Variants in TSHZ2 observed in about 807,000 individuals in gnomAD.
TSHZ2 encodes teashirt zinc finger homeobox 2.
In TSHZ2, 21 loss-of-function variants were observed where a neutral mutation model predicts 74.4. The observed-to-expected ratio is 0.28, with a 90% CI of 0.20 to 0.41. The LOEUF is 0.41. TSHZ2 is among the 10% of genes least tolerant of loss of function. TSHZ2 has a pLI of 1.00. For synonymous variants in TSHZ2, 540 were observed against 515.3 expected (o/e 1.05, Z -0.65); for missense variants, 1,244 against 1,293.5 (o/e 0.96, Z 0.59).
intron 1 of TSHZ2, among the ~76,000 whole-genome samples, chr20:53,002,872 A>G (rs1982490640): frequency 6.6e-6 from 1 of 152,240 alleles, no homozygotes; most frequent in African/African-American, 2.4e-5. Flanking sequence ...CTAAGTCTTC[A>G]TGTTCTGAAG....
intron 1 of TSHZ2, among the ~76,000 whole-genome samples, chr20:53,132,313 A>AT (rs552180228): frequency 0.13 from 17,508 of 139,242 alleles, 1,234 homozygotes; most frequent in Admixed American, 0.2. Context: ...TCTGCCCCTA[A>AT]TTTTTTTTTT....
Position 53,254,330 on chromosome 20 carries a change from G to T in TSHZ2, c.872G>T (p.Ser291Ile), listed in dbSNP as rs774739292. ...GDSFDSLQDL[S>I]VHMIKTKHYQ... ...TCCTTTGATTCCCTCCAAGATTTGAGCGTCCACATGATTAAAACAAAACAT... is the reference window on the plus strand; with the variant it reads ...TCCTTTGATTCCCTCCAAGATTTGATCGTCCACATGATTAAAACAAAACAT... Residue 291 changes from serine (S) to isoleucine (I), a missense_variant, in exon 2 of 3, where the codon AGC (serine) becomes ATC (isoleucine). By Grantham distance (142) the Ser-to-Ile change is moderately radical (BLOSUM62 -2). Coordinates refer to ENST00000371497, the MANE Select transcript of TSHZ2 (RefSeq NM_173485.6). 6.2e-7 allele frequency: 1 copy of T among 1,614,160 alleles called. No individual in the cohort carries two copies. Among genetic ancestry groups the T allele is most frequent in the South Asian group, 1.1e-5 (1 of 91,078 alleles).
At chr20:53,050,103 G>GTGTATATATATATATA (rs1555819290) in intron 1 of TSHZ2, among the ~76,000 whole-genome samples, 11 of 116,040 alleles carry the variant, frequency 9.5e-5, no homozygotes, top group Admixed American at 2.6e-4. Flanking sequence ...GTATATGTGT[G>GTGTATATATATATATA]TATATATATA....
rs1330550018 is a variant in TSHZ2, at chr20:53,150,645, T to TA, written c.41-102846dup. Among the ~76,000 whole-genome samples, 727 of 144,630 alleles carry TA rather than the reference T, an allele frequency of 5.0e-3. 8 individuals carry two copies. The highest frequency in any genetic ancestry group is 0.018 in the African/African-American group (701 of 38,990). The allele number at this position is 144,630 out of a possible 152,430, so 94.9% of individuals were successfully genotyped here. ...AAAATAAAATAAAATAAAAGTTTTT[T>TA]AAAAAAAAGAAGGAAAGAAAGAGAA... On this transcript the variant is annotated intron_variant, in intron 1 of 2. Coordinates refer to ENST00000371497, the MANE Select transcript of TSHZ2 (RefSeq NM_173485.6).
intron 1 of TSHZ2, among the ~76,000 whole-genome samples, chr20:53,108,038 T>G: frequency 6.6e-6 from 1 of 152,238 alleles, no homozygotes; most frequent in East Asian, 1.9e-4. Flanking sequence ...ACATAATCTC[T>G]CTTCCCCATG....
chr20:53,181,637 C>T (rs987796318), intron 1 of TSHZ2, among the ~76,000 whole-genome samples: 11 of 152,114 alleles, frequency 7.2e-5, no homozygotes, highest in African/African-American at 2.7e-4. Context: ...ACCTCTGATC[C>T]CAGCACTTTG....
At chr20:52,991,827 T>G (rs796988902) in intron 1 of TSHZ2, among the ~76,000 whole-genome samples, 5 of 150,128 alleles carry the variant, frequency 3.3e-5, no homozygotes, top group African/African-American at 1.2e-4. Flanking sequence ...GAAAAGCTTT[T>G]CTGGTGCATG....
At chr20:53,432,263 A>G (rs1368938631) in intron 2 of TSHZ2, among the ~76,000 whole-genome samples, 1 of 152,178 alleles carries the variant, frequency 6.6e-6, no homozygotes, top group Non-Finnish European at 1.5e-5. Flanking sequence ...ACTTAGAATA[A>G]TGGCCTCCAG....
At chr20:52,983,232 A>C (rs1002852777) in intron 1 of TSHZ2, among the ~76,000 whole-genome samples, 1 of 152,158 alleles carries the variant, frequency 6.6e-6, no homozygotes, top group Non-Finnish European at 1.5e-5. Flanking sequence ...CAGCGTTTTC[A>C]TCTGTCAGAT....
At chr20:53,344,234 C>T (rs1980346593) in intron 2 of TSHZ2, among the ~76,000 whole-genome samples, 1 of 151,532 alleles carries the variant, frequency 6.6e-6, no homozygotes, top group Non-Finnish European at 1.5e-5. Flanking sequence ...TCATCATCAT[C>T]CCCATTATCA....
At chr20:53,285,506 T>A (rs189252351) in intron 2 of TSHZ2, among the ~76,000 whole-genome samples, 148 of 152,156 alleles carry the variant, frequency 9.7e-4, no homozygotes, top group African/African-American at 3.5e-3. Context: ...GGTCAGGAGT[T>A]CAACACCAGC....
At chr20:53,102,668 A>G (rs1040654574) in intron 1 of TSHZ2, among the ~76,000 whole-genome samples, 2 of 152,212 alleles carry the variant, frequency 1.3e-5, no homozygotes, top group African/African-American at 2.4e-5. Context: ...AAATCCTGCT[A>G]TAACACAAAT....
chr20:53,351,447 G>A (rs1047563422), intron 2 of TSHZ2, among the ~76,000 whole-genome samples: 2 of 152,060 alleles, frequency 1.3e-5, no homozygotes, highest in South Asian at 2.1e-4. Flanking sequence ...TTTAACGAAT[G>A]GATTATGATA....
chr20:53,414,762 T>A (rs1389194126), intron 2 of TSHZ2, among the ~76,000 whole-genome samples: 3 of 152,222 alleles, frequency 2.0e-5, no homozygotes, highest in Non-Finnish European at 4.4e-5. Flanking sequence ...CAAGCACATT[T>A]CCATGTGAAT....
In TSHZ2 at chr20:53,254,254, A is replaced by G. The variant is rs750169163; in HGVS notation, c.796A>G (p.Met266Val). The change falls in exon 2 of 3, where the codon ATG (methionine) becomes GTG (valine). Residue 266 changes from methionine to valine, a missense_variant. Coordinates refer to ENST00000371497, the MANE Select transcript of TSHZ2 (RefSeq NM_173485.6). ...SKPRKRAFQD[M>V]DKEDAQKVLK... The stretch of plus-strand genomic sequence containing the variant: ...GCCCAGGAAAAGGGCTTTCCAGGAT[A>G]TGGACAAAGAGGATGCTCAAAAGGT... 3.1e-6 allele frequency: 5 copies of G among 1,614,024 alleles called. No homozygotes were observed. The African/African-American group carries it at 5.3e-5, about 17-fold the overall frequency.
intron 1 of TSHZ2, among the ~76,000 whole-genome samples, chr20:53,185,012 A>G (rs892411411): frequency 2.6e-5 from 4 of 152,220 alleles, no homozygotes; most frequent in African/African-American, 9.6e-5. Flanking sequence ...CCATAATCAT[A>G]TTCTTCCAGT....
At chr20:53,153,405 G>A (rs1987721208) in intron 1 of TSHZ2, among the ~76,000 whole-genome samples, 2 of 152,184 alleles carry the variant, frequency 1.3e-5, no homozygotes, top group Admixed American at 6.5e-5. Context: ...GGTCAAGGCT[G>A]TAGATGACCA....
intron 2 of TSHZ2, among the ~76,000 whole-genome samples, chr20:53,281,893 A>G (rs1991067995): frequency 1.3e-5 from 2 of 152,188 alleles, no homozygotes; most frequent in African/African-American, 2.4e-5. Context: ...AAGGATAGCC[A>G]GGGGTACACA....
intron 2 of TSHZ2, among the ~76,000 whole-genome samples, chr20:53,393,911 A>G (rs892646697): frequency 3.9e-5 from 6 of 152,362 alleles, no homozygotes; most frequent in Admixed American, 1.3e-4. Context: ...TAAAAATTCT[A>G]ACGACTTCCA....
Sources: gnomAD v4.1 joint callset for allele counts (sites outside exome capture counted in the v4.1 genomes callset) on GRCh38, gnomAD v4.1.1 for gene constraint, MANE v1.5 for transcripts, NCBI Gene and HGNC (gene_info 2026-07-23, HGNC 2026-07-21) for gene names.